The following AFF1 variants were observed in gnomAD, a reference collection of about 807,000 sequenced individuals.
AFF1 encodes ALF transcription elongation factor 1.
AFF1 carries 48 observed loss-of-function variants against 121.7 expected under a neutral mutation model. That is an observed-to-expected ratio of 0.39 (90% CI 0.31 to 0.50). The LOEUF (loss-of-function observed/expected upper bound fraction) is 0.50, where lower values mean the gene tolerates loss of function less well. Among genes scored for constraint, AFF1 ranks in the 20% least tolerant of loss-of-function variants. The pLI is 0.76. For synonymous variants in AFF1, 613 were observed against 563.0 expected (o/e 1.09, Z -1.26); for missense variants, 1,523 against 1,511.7 (o/e 1.01, Z -0.12).
At chr4:87,058,552 T>C (rs1720395946) in intron 4 of AFF1, among the ~76,000 whole-genome samples, 1 of 151,844 alleles carries the variant, frequency 6.6e-6, no homozygotes, top group Non-Finnish European at 1.5e-5. Context: ...ACCATTTGTC[T>C]CTTTCTGTTT....
intron 2 of AFF1, among the ~76,000 whole-genome samples, chr4:86,969,603 C>T (rs868696297): frequency 6.4e-5 from 9 of 141,586 alleles, no homozygotes; most frequent in African/African-American, 1.8e-4. Flanking sequence ...AAGATAGGCC[C>T]GGCGTGGTGG....
At chr4:86,961,761 G>A (rs955983408) in intron 2 of AFF1, among the ~76,000 whole-genome samples, 3 of 152,038 alleles carry the variant, frequency 2.0e-5, no homozygotes, top group African/African-American at 4.8e-5. Context: ...GTGAGATGAT[G>A]TGTGCTCTCT....
intron 11 of AFF1, among the ~76,000 whole-genome samples, chr4:87,113,441 T>A (rs1726762813): frequency 6.6e-6 from 1 of 152,132 alleles, no homozygotes; most frequent in South Asian, 2.1e-4. Flanking sequence ...TGGCTAATTT[T>A]TTAGTTTTTT....
intron 12 of AFF1, among the ~76,000 whole-genome samples, chr4:87,115,682 T>C (rs1000953321): frequency 7.4e-6 from 1 of 136,014 alleles, no homozygotes. Context: ...CGATCTTGGC[T>C]CACTGCAGCC....
chr4:87,032,139 C>CT (rs914858308), intron 2 of AFF1, among the ~76,000 whole-genome samples: 1 of 152,176 alleles, frequency 6.6e-6, no homozygotes, highest in Non-Finnish European at 1.5e-5. Context: ...AAAACAATGA[C>CT]TTACTGTTTA....
At chr4:86,961,611 G>A (rs1314501287) in intron 2 of AFF1, among the ~76,000 whole-genome samples, 1 of 151,668 alleles carries the variant, frequency 6.6e-6, no homozygotes, top group Non-Finnish European at 1.5e-5. Flanking sequence ...ATGGGAATAG[G>A]GGTCACTACT....
intron 10 of AFF1, among the ~76,000 whole-genome samples, chr4:87,106,047 C>G (rs1002748792): frequency 2.0e-5 from 3 of 152,102 alleles, no homozygotes; most frequent in Admixed American, 6.6e-5. Flanking sequence ...AAGCGAGAGC[C>G]CCACACTCAT....
chr4:87,072,199 T>TA (rs1220097184), intron 4 of AFF1, among the ~76,000 whole-genome samples: 2 of 151,828 alleles, frequency 1.3e-5, no homozygotes, highest in Admixed American at 6.6e-5. Flanking sequence ...CCGTCTCTAC[T>TA]AAAAATACAA....
intron 2 of AFF1, among the ~76,000 whole-genome samples, chr4:87,025,086 T>G (rs1297566846): frequency 6.6e-6 from 1 of 152,234 alleles, no homozygotes; most frequent in Non-Finnish European, 1.5e-5. Context: ...CTGCCAGCTC[T>G]AGTGACCATC....
In AFF1 at chr4:87,111,005, T is replaced by A. The variant is rs1289382459; in HGVS notation, c.1533+2690T>A. Reference sequence around the variant, plus strand: ...TTTATCTACTTAAACTTTATTTTTTTTTTTTTATTTTTTTTTTTTTGAGAC... The same window carrying A: ...TTTATCTACTTAAACTTTATTTTTTATTTTTTATTTTTTTTTTTTTGAGAC... On this transcript the variant is annotated intron_variant, in intron 11 of 20. Transcript: ENST00000395146. Among the ~76,000 whole-genome samples, 4 of 25,282 alleles carry A rather than the reference T, an allele frequency of 1.6e-4. 1 individual carries two copies. Among genetic ancestry groups the A allele is most frequent in the East Asian group, 2.1e-3 (2 of 968 alleles). 16.6% of individuals were successfully genotyped at this position (25,282 alleles called of 152,430 possible).
At chr4:87,016,723 C>T (rs541020086) in intron 2 of AFF1, among the ~76,000 whole-genome samples, 32 of 152,236 alleles carry the variant, frequency 2.1e-4, no homozygotes, top group Non-Finnish European at 4.3e-4. Context: ...CAGTTAATCC[C>T]GGTCCCCAGC....
chr4:87,068,594 T>A (rs1262298880), intron 4 of AFF1, among the ~76,000 whole-genome samples: 5 of 152,230 alleles, frequency 3.3e-5, no homozygotes. Flanking sequence ...GTTTTTGAAC[T>A]ACGCACATGG....
At chr4:87,062,207 C>A (rs1035760724) in intron 4 of AFF1, among the ~76,000 whole-genome samples, 3 of 152,166 alleles carry the variant, frequency 2.0e-5, no homozygotes, top group Admixed American at 2.0e-4. Context: ...ATTTATTTCT[C>A]GCAGTTTTAG....
At chr4:87,081,921 AC>A (rs1341146553) in intron 4 of AFF1, among the ~76,000 whole-genome samples, 1 of 152,166 alleles carries the variant, frequency 6.6e-6, no homozygotes, top group African/African-American at 2.4e-5. Flanking sequence ...GGGAAAAAAA[AC>A]ATTTCGGCGA....
intron 2 of AFF1, among the ~76,000 whole-genome samples, chr4:87,005,217 G>A (rs950890757): frequency 2.2e-4 from 34 of 152,198 alleles, no homozygotes; most frequent in African/African-American, 8.0e-4. Flanking sequence ...GAGCTTAAGC[G>A]ATCTGCCTGC....
chr4:87,009,289 C>T (rs1726485212), intron 2 of AFF1, among the ~76,000 whole-genome samples: 2 of 152,214 alleles, frequency 1.3e-5, no homozygotes, highest in African/African-American at 2.4e-5. Context: ...GGTGGAGCAA[C>T]GCCTGACTCC....
intron 2 of AFF1, among the ~76,000 whole-genome samples, chr4:87,025,829 G>A (rs1406953640): frequency 1.3e-5 from 2 of 152,186 alleles, no homozygotes; most frequent in African/African-American, 2.4e-5. Context: ...TTCCGAGAGC[G>A]TCTGTACATT....
At chr4:86,942,773 C>G (rs1037996219) in intron 1 of AFF1, among the ~76,000 whole-genome samples, 3 of 152,148 alleles carry the variant, frequency 2.0e-5, no homozygotes, top group Non-Finnish European at 4.4e-5. Flanking sequence ...AATGAGATCT[C>G]TCGTTCATAA....
At chr4:87,090,891 T>C (rs1357668991) in intron 6 of AFF1, among the ~76,000 whole-genome samples, 1 of 151,814 alleles carries the variant, frequency 6.6e-6, no homozygotes, top group East Asian at 1.9e-4. Context: ...GGCATGCACC[T>C]GTAGTCCCAG....
Sources: gnomAD v4.1 joint callset for allele counts (sites outside exome capture counted in the v4.1 genomes callset) on GRCh38, gnomAD v4.1.1 for gene constraint, MANE v1.5 for transcripts, NCBI Gene and HGNC (gene_info 2026-07-23, HGNC 2026-07-21) for gene names.